Variants in PTPN11 observed in about 807,000 individuals in gnomAD.
The protein encoded by PTPN11 is tyrosine-protein phosphatase non-receptor type 11.
A neutral mutation model predicts 78.8 loss-of-function variants in PTPN11; 6 were observed. The ratio of observed to expected loss-of-function variants is 0.08; its 90% CI spans 0.04 to 0.15. The LOEUF is 0.15. Among genes scored for constraint, PTPN11 ranks in the 10% least tolerant of loss-of-function variants. The probability of loss-of-function intolerance (pLI) is 1.00; values close to 1 mark genes in which losing one functional copy is unlikely to be tolerated. For synonymous variants in PTPN11, 221 were observed against 263.5 expected, an observed-to-expected ratio of 0.84 and a Z score of 1.56; for missense variants, 386 against 744.8, an observed-to-expected ratio of 0.52 and a Z score of 5.61.
chr12:112,450,598 C>A, intron 3 of PTPN11, 86 bp downstream of exon 3: 1 of 1,304,116 alleles, frequency 7.7e-7, no homozygotes, highest in Non-Finnish European at 1.1e-6. Flanking sequence ...GTATGACTCT[C>A]TGACTCCAAA....
rs115660199 is a variant in PTPN11 at position 112,468,218 on chromosome 12, G to A, written c.757-4726G>A. Among the ~76,000 whole-genome samples the A allele has an allele frequency of 4.8e-3, 729 of 152,264 alleles. 9 individuals are homozygous for A. Among genetic ancestry groups the A allele is most frequent in the African/African-American group, 0.016 (667 of 41,546 alleles). On this transcript the variant is annotated intron_variant, in intron 6 of 15. Coordinates refer to ENST00000351677, the MANE Select transcript of PTPN11 (RefSeq NM_002834.5). ...GGCCAGTGGAGAAGGATGGAGATGC[G>A]GTGACATTCAGCTTGACAGGTCATT... is the stretch of plus-strand genomic sequence containing the variant.
chr12:112,433,518 T>G (rs1265114243), intron 1 of PTPN11, among the ~76,000 whole-genome samples: 1 of 152,244 alleles, frequency 6.6e-6, no homozygotes, highest in Non-Finnish European at 1.5e-5. Flanking sequence ...TGTAAAAGTA[T>G]GTAAAAATGA....
At chr12:112,431,130 G>A (rs1469081633) in intron 1 of PTPN11, among the ~76,000 whole-genome samples, 2 of 152,252 alleles carry the variant, frequency 1.3e-5, no homozygotes, top group South Asian at 2.1e-4. Flanking sequence ...GGTCACAGAT[G>A]TGAAACTGTG....
intron 1 of PTPN11, among the ~76,000 whole-genome samples, chr12:112,435,378 G>A (rs2135840911): frequency 6.6e-6 from 1 of 152,254 alleles, no homozygotes; most frequent in African/African-American, 2.4e-5. Flanking sequence ...TGCCATCACA[G>A]GGGTGAGGTC....
At position 112,506,807 on chromosome 12, in the gene PTPN11, C is replaced by G. The variant is rs538946251; in HGVS notation, c.*1015C>G. 6 of 157,992 alleles carry G rather than the reference C, an allele frequency of 3.8e-5. No individual in the cohort carries two copies. In the South Asian group the frequency reaches 1.1e-3, roughly 30 times the overall value. The allele number at this position is 157,992 out of a possible 1,614,324, so 9.8% of individuals were successfully genotyped here. A position where few individuals can be genotyped will look rare whatever the true frequency, so the allele number is the denominator to read the frequency against. On this transcript the variant is annotated 3_prime_UTR_variant, in exon 16 of 16. Transcript: ENST00000351677. ...GAGTCTCTCCTTCTTCGTGTAGTCT[C>G]TTTCAGTGGCCTGGCTGGCAGGGTA...
chr12:112,490,473 A>C (rs1242935440), intron 13 of PTPN11, among the ~76,000 whole-genome samples: 1 of 151,824 alleles, frequency 6.6e-6, no homozygotes, highest in Non-Finnish European at 1.5e-5. Context: ...CACCTAGCTA[A>C]TTTTCGCATT....
In PTPN11 at chr12:112,482,048, C is replaced by T. The variant is rs755698821; in HGVS notation, c.1093-26C>T. 46 of 1,540,670 alleles carry T rather than the reference C, an allele frequency of 3.0e-5. No individual in the cohort carries two copies. The highest frequency in any genetic ancestry group is 3.1e-5 in the Non-Finnish European group (35 of 1,114,050). Reference sequence around the variant, plus strand: ...TTTATTTCAGAGTTCACAGAATTAACTTTCTTTTTTTCTGATCTCTTCCAG... The same window carrying T: ...TTTATTTCAGAGTTCACAGAATTAATTTTCTTTTTTTCTGATCTCTTCCAG... On this transcript the variant is annotated intron_variant, in intron 9 of 15. Coordinates refer to ENST00000351677, the MANE Select transcript of PTPN11 (RefSeq NM_002834.5). This position sits in a 1 kb window ranked among gnomAD's most constrained non-coding sequence, Gnocchi z 4.4.
chr12:112,446,600 T>G (rs891267847), intron 2 of PTPN11, among the ~76,000 whole-genome samples: 3 of 152,158 alleles, frequency 2.0e-5, no homozygotes, highest in African/African-American at 7.2e-5. Context: ...CTCTGAGACC[T>G]CATGGAAGGT....
At chr12:112,433,668 T>C (rs1375747245) in intron 1 of PTPN11, among the ~76,000 whole-genome samples, 1 of 152,218 alleles carries the variant, frequency 6.6e-6, no homozygotes, top group Non-Finnish European at 1.5e-5. Context: ...AAAAGGGTAC[T>C]GGCTGGGCGC....
chr12:112,469,453 C>G (rs920120688), intron 6 of PTPN11, among the ~76,000 whole-genome samples: 1 of 151,680 alleles, frequency 6.6e-6, no homozygotes, highest in African/African-American at 2.4e-5. Flanking sequence ...TTCTGTTTAC[C>G]TTCTATATAC....
intron 6 of PTPN11, among the ~76,000 whole-genome samples, chr12:112,471,819 C>G (rs1333445604): frequency 6.6e-6 from 1 of 151,380 alleles, no homozygotes; most frequent in Non-Finnish European, 1.5e-5. Flanking sequence ...GGGACGTGAT[C>G]TTGGCTCTCT....
Position 112,454,674 on chromosome 12 carries a change from C to T in PTPN11, c.636C>T (p.Leu212=). ...MVETLGTVLQ[L]KQPLNTTRIN... ...AAACATTGGGTACAGTACTACAACT[C>T]AAGCAGGTGAGCAGATTGGAAAGCT... The change falls in exon 5 of 16, where the codon CTC becomes CTT. Residue 212 remains leucine, a synonymous_variant. Transcript: ENST00000351677. 1 of 1,604,932 alleles carries T rather than the reference C, an allele frequency of 6.2e-7. No individual in the cohort carries two copies. Among genetic ancestry groups the T allele is most frequent in the South Asian group, 1.1e-5 (1 of 90,888 alleles).
chr12:112,460,637 A>G (rs895122441), intron 6 of PTPN11, among the ~76,000 whole-genome samples: 3 of 152,120 alleles, frequency 2.0e-5, no homozygotes. Flanking sequence ...AGGTCAAGAG[A>G]TCGAGACCAT....
At chr12:112,483,158 G>A (rs2038623092) in intron 10 of PTPN11, among the ~76,000 whole-genome samples, 1 of 149,886 alleles carries the variant, frequency 6.7e-6, no homozygotes, top group African/African-American at 2.5e-5. Flanking sequence ...AAATGCAGGA[G>A]TTTAGGGTTC....
intron 13 of PTPN11, among the ~76,000 whole-genome samples, chr12:112,499,943 T>TAA (rs529382859): frequency 3.4e-5 from 4 of 117,268 alleles, no homozygotes; most frequent in South Asian, 2.8e-4. Flanking sequence ...CCCTGTCTCT[T>TAA]AAAAAAAAAA....
intron 13 of PTPN11, among the ~76,000 whole-genome samples, chr12:112,492,531 T>C (rs992853941): frequency 1.3e-5 from 2 of 152,022 alleles, no homozygotes; most frequent in Non-Finnish European, 2.9e-5. Context: ...ACTTTTTTTT[T>C]TTTTGAGATG....
chr12:112,493,007 C>G (rs1232817923), intron 13 of PTPN11, among the ~76,000 whole-genome samples: 2 of 151,542 alleles, frequency 1.3e-5, no homozygotes, highest in African/African-American at 4.8e-5. Context: ...TATATGTATA[C>G]TTTGTGAAAT....
chr12:112,456,024 C>T lies in PTPN11; in HGVS notation c.717C>T (p.Thr239=), dbSNP rs138215269. Residue 239 remains threonine (T), a synonymous_variant, in exon 6 of 16, where the codon ACC becomes ACT. Transcript: ENST00000351677. ...RVRELSKLAE[T]TDKVKQGFWE... ...GAGAACTAAGCAAATTAGCTGAGACCACAGATAAAGTCAAACAAGGCTTTT... is the reference window on the plus strand; with the variant it reads ...GAGAACTAAGCAAATTAGCTGAGACTACAGATAAAGTCAAACAAGGCTTTT... 1 of 1,612,246 alleles carries T rather than the reference C, an allele frequency of 6.2e-7. No individual in the cohort carries two copies. The highest frequency in any genetic ancestry group is 1.1e-5 in the South Asian group (1 of 91,030).
intron 13 of PTPN11, among the ~76,000 whole-genome samples, chr12:112,498,516 G>A (rs1446847490): frequency 1.3e-5 from 2 of 152,150 alleles, no homozygotes; most frequent in Non-Finnish European, 2.9e-5. Flanking sequence ...GTTTATGAAT[G>A]TAATCAGTTA....
Sources: allele counts gnomAD v4.1 joint callset (sites outside exome capture counted in the v4.1 genomes callset), GRCh38; gene constraint gnomAD v4.1.1; non-coding constraint Gnocchi (gnomAD v3.1); transcripts MANE v1.5; gene names NCBI Gene and HGNC (gene_info 2026-07-23, HGNC 2026-07-21).